Variants in ADGRV1 observed in about 807,000 individuals in gnomAD.
ADGRV1 encodes the protein G-protein coupled receptor 98.
ADGRV1 carries 359 observed loss-of-function variants against 596.2 expected under a neutral mutation model. The ratio of observed to expected loss-of-function variants is 0.60; its 90% confidence interval spans 0.55 to 0.66. ADGRV1 has a LOEUF of 0.66. Ranked by LOEUF, ADGRV1 falls within the 30% of genes least tolerant of loss-of-function variation. The pLI is 0.00. For missense variants in ADGRV1, 7,274 were observed against 7,575.6 expected (o/e 0.96, Z 1.48); for synonymous variants, 2,681 against 2,679.2 (o/e 1.00, Z -0.02).
At chr5:90,984,106 A>G (rs1371757347) in intron 84 of ADGRV1, among the ~76,000 whole-genome samples, 1 of 152,212 alleles carries the variant, frequency 6.6e-6, no homozygotes, top group Non-Finnish European at 1.5e-5. Flanking sequence ...AATCTTTATA[A>G]TAACCTTGTT....
Position 90,690,013 on chromosome 5 carries a change from C to T in ADGRV1, c.6643C>T (p.Leu2215=), listed in dbSNP as rs1746261360. 1 of 1,602,342 alleles carries T rather than the reference C, an allele frequency of 6.2e-7. No individual in the cohort carries two copies. The highest frequency in any genetic ancestry group is 8.5e-7 in the Non-Finnish European group (1 of 1,173,728). The change falls in exon 30 of 90, where the codon CTA becomes TTA. Residue 2215 remains leucine (L), a synonymous_variant. Transcript: ENST00000405460. The part of the protein sequence containing the change: ...LMNETTGGAR[L]GALTEAVIII... ...GAATGAAACAACAGGAGGAGCCAGA[C>T]TAGGGGCTTTAACAGAGGCAGTCAT...
chr5:90,730,770 C>G (rs1205771435), intron 50 of ADGRV1, among the ~76,000 whole-genome samples: 2 of 152,128 alleles, frequency 1.3e-5, no homozygotes, highest in African/African-American at 4.8e-5. Flanking sequence ...GGTGGGTGTT[C>G]ATAGCACAGG....
intron 87 of ADGRV1, among the ~76,000 whole-genome samples, chr5:91,109,935 T>C (rs1229538471): frequency 1.3e-5 from 2 of 152,206 alleles, no homozygotes; most frequent in African/African-American, 2.4e-5. Flanking sequence ...TGTTCATTGA[T>C]ATAAGTTTGA....
chr5:91,001,841 T>A (rs796950165), intron 85 of ADGRV1, among the ~76,000 whole-genome samples: 33 of 152,276 alleles, frequency 2.2e-4, no homozygotes, highest in African/African-American at 7.7e-4. Context: ...TCTCACACAT[T>A]TGCATTATAT....
At chr5:90,942,546 AT>A (rs1198940759) in intron 83 of ADGRV1, among the ~76,000 whole-genome samples, 1 of 152,128 alleles carries the variant, frequency 6.6e-6, no homozygotes, top group African/African-American at 2.4e-5. Context: ...TGTAAAGTTA[AT>A]CTTTTTCTAG....
intron 24 of ADGRV1, 38 bp downstream of exon 24, chr5:90,675,483 T>C (rs1229875801): frequency 6.5e-7 from 1 of 1,546,388 alleles, no homozygotes; most frequent in South Asian, 1.2e-5. Flanking sequence ...TATTTGCACT[T>C]GTAAAACAGA....
intron 13 of ADGRV1, among the ~76,000 whole-genome samples, chr5:90,643,302 C>G (rs529843158): frequency 6.6e-6 from 1 of 152,034 alleles, no homozygotes; most frequent in Non-Finnish European, 1.5e-5. Flanking sequence ...TTTTCATCTC[C>G]TTTTAGCTTT....
chr5:90,930,096 A>T (rs1327417159), intron 83 of ADGRV1, among the ~76,000 whole-genome samples: 7 of 152,128 alleles, frequency 4.6e-5, no homozygotes, highest in Non-Finnish European at 7.4e-5. Context: ...GTTTCTTTTT[A>T]AAAAATATAT....
intron 9 of ADGRV1, among the ~76,000 whole-genome samples, chr5:90,632,300 A>G (rs946777580): frequency 5.3e-5 from 8 of 152,304 alleles, no homozygotes; most frequent in African/African-American, 1.7e-4. Flanking sequence ...ATTCTGGCAT[A>G]TGTGGAGTAG....
chr5:91,021,105 A>G (rs1783597114), intron 85 of ADGRV1, among the ~76,000 whole-genome samples: 1 of 152,080 alleles, frequency 6.6e-6, no homozygotes, highest in Non-Finnish European at 1.5e-5. Context: ...ACACAAATCA[A>G]TGCTTTGGAT....
intron 83 of ADGRV1, among the ~76,000 whole-genome samples, chr5:90,938,922 C>G (rs2150850341): frequency 6.6e-6 from 1 of 152,240 alleles, no homozygotes; most frequent in East Asian, 1.9e-4. Flanking sequence ...TTCTAGAAAC[C>G]TGCCACAAGA....
At chr5:90,586,993 G>A (rs1299504206) in intron 1 of ADGRV1, among the ~76,000 whole-genome samples, 4 of 152,180 alleles carry the variant, frequency 2.6e-5, no homozygotes, top group African/African-American at 2.4e-5. Context: ...CAGGATAAAT[G>A]TTTAATTCTT....
Position 91,153,268 on chromosome 5 carries a change from C to A in ADGRV1, c.18672C>A (p.Ala6224=). Reference sequence around the variant, plus strand: ...CATCCTTCCAACAGGGCAGTCAGGCCAGCCCTGATTTAAAGCCAAGTCCAC... The same window carrying A: ...CATCCTTCCAACAGGGCAGTCAGGCAAGCCCTGATTTAAAGCCAAGTCCAC... The part of the protein sequence containing the change: ...ERASFQQGSQ[A]SPDLKPSPQN... Residue 6224 remains alanine (A), a synonymous_variant, in exon 89 of 90, where the codon GCC becomes GCA. Coordinates refer to ENST00000405460, the MANE Select transcript of ADGRV1 (RefSeq NM_032119.4). 1 of 1,609,162 alleles carries A rather than the reference C, an allele frequency of 6.2e-7. No individual in the cohort carries two copies. Among genetic ancestry groups the A allele is most frequent in the South Asian group, 1.1e-5 (1 of 89,820 alleles).
At chr5:90,758,543 A>T (rs1249644144) in intron 57 of ADGRV1, among the ~76,000 whole-genome samples, 3 of 151,810 alleles carry the variant, frequency 2.0e-5, no homozygotes, top group African/African-American at 7.3e-5. Context: ...TAGGGAAGGG[A>T]CTCTGTATTC....
In ADGRV1 at chr5:91,134,662, T is replaced by A. The variant is rs148376708; in HGVS notation, c.18433-15368T>A. On this transcript the variant is annotated intron_variant, in intron 87 of 89. Transcript: ENST00000405460. ...TATTAATTGTACAAACATTTCCTCATACAAACCTAGAATGTTTCCTTATGT... is the reference window on the plus strand; with the variant it reads ...TATTAATTGTACAAACATTTCCTCAAACAAACCTAGAATGTTTCCTTATGT... 4.3e-3 allele frequency among the ~76,000 whole-genome samples: 662 copies of A among 152,350 alleles called. 5 individuals are homozygous for A. Among genetic ancestry groups the A allele is most frequent in the African/African-American group, 0.015 (631 of 41,588 alleles).
Position 90,848,833 on chromosome 5 carries a change from T to G in ADGRV1, c.17204+12T>G. On this transcript the variant is annotated intron_variant, in intron 79 of 89. Transcript: ENST00000405460. ...TCTCCTGGTGAAAAGTAAGTATCTT[T>G]TAATATATTAGCAGTACCTTTTATG... is the stretch of plus-strand genomic sequence containing the variant. The G allele has an allele frequency of 6.4e-7, 1 of 1,564,028 alleles. No homozygotes were observed.
chr5:90,812,831 C>A (rs1049575580), intron 74 of ADGRV1, among the ~76,000 whole-genome samples: 13 of 151,780 alleles, frequency 8.6e-5, no homozygotes, highest in African/African-American at 3.1e-4. Flanking sequence ...TTATATATTT[C>A]TATTAAAATT....
intron 70 of ADGRV1, 110 bp downstream of exon 70, chr5:90,791,456 C>A: frequency 2.5e-6 from 2 of 803,236 alleles, no homozygotes; most frequent in Non-Finnish European, 3.8e-6. Context: ...TAAATGGAAC[C>A]ACAAAAAAAT....
At chr5:90,595,160 G>C (rs1366208932) in intron 1 of ADGRV1, among the ~76,000 whole-genome samples, 1 of 106,264 alleles carries the variant, frequency 9.4e-6, no homozygotes, top group East Asian at 2.6e-4. Context: ...GCCGGGTGGG[G>C]GGCTGACCCC....
Sources: gnomAD v4.1 joint callset for allele counts (sites outside exome capture counted in the v4.1 genomes callset) on GRCh38, gnomAD v4.1.1 for gene constraint, MANE v1.5 for transcripts, NCBI Gene and HGNC (gene_info 2026-07-23, HGNC 2026-07-21) for gene names.